The following SEMA6A variants were observed in gnomAD, a reference collection of about 807,000 sequenced individuals.
SEMA6A encodes semaphorin 6A, also known as semaphorin-6A.
SEMA6A carries 25 observed loss-of-function variants against 96.8 expected under a neutral mutation model. The observed-to-expected ratio is 0.26, with a 90% CI of 0.19 to 0.36. SEMA6A has a LOEUF of 0.36. Among genes scored for constraint, SEMA6A ranks in the 10% least tolerant of loss-of-function variants. The pLI, the probability that SEMA6A is intolerant of heterozygous loss-of-function variation, is 1.00. For missense variants in SEMA6A, 1,363 were observed against 1,323.1 expected (o/e 1.03, Z -0.47); for synonymous variants, 612 against 518.0 (o/e 1.18, Z -2.46).
At chr5:116,485,486 C>A (rs1024805867) in intron 10 of SEMA6A, among the ~76,000 whole-genome samples, 1 of 152,172 alleles carries the variant, frequency 6.6e-6, no homozygotes, top group Non-Finnish European at 1.5e-5. Context: ...TTAAAGCTTA[C>A]TTATATCTAA....
intron 16 of SEMA6A, among the ~76,000 whole-genome samples, chr5:116,474,392 C>T (rs1327865731): frequency 6.6e-6 from 1 of 151,822 alleles, no homozygotes; most frequent in East Asian, 1.9e-4. Context: ...AAACTATTTC[C>T]CTGATACGGA....
chr5:116,506,703 CAG>C (rs1758161299), intron 1 of SEMA6A, among the ~76,000 whole-genome samples: 1 of 151,424 alleles, frequency 6.6e-6, no homozygotes, highest in Middle Eastern at 3.2e-3. Flanking sequence ...GGGGAGGGGT[CAG>C]GGAGAACTGG....
chr5:116,448,170 TAAAAAAAAAA>T (rs59202921), intron 18 of SEMA6A, among the ~76,000 whole-genome samples: 3 of 119,546 alleles, frequency 2.5e-5, no homozygotes, highest in African/African-American at 3.6e-5. Flanking sequence ...CCGTCTCTAC[TAAAAAAAAAA>T]AAAAAAAAAA....
intron 11 of SEMA6A, among the ~76,000 whole-genome samples, chr5:116,480,635 A>T (rs1422551051): frequency 6.6e-6 from 1 of 152,140 alleles, no homozygotes; most frequent in Non-Finnish European, 1.5e-5. Context: ...AGGCTGCTAG[A>T]GATTCCTCAT....
rs1754345326 is a variant in SEMA6A at position 116,447,810 on chromosome 5, T to G, written c.1896A>C (p.Gly632=). The change falls in exon 19 of 19, where the codon GGA becomes GGC. Residue 632 remains glycine, a splice_region_variant and synonymous_variant. Coordinates refer to ENST00000343348, the MANE Select transcript of SEMA6A (RefSeq NM_020796.5). Reference sequence around the variant, plus strand: ...CTTTGAGGTAACTTTCCCGAATCACTCCTGCAATAGACATCGCATATGGCG... The same window carrying G: ...CTTTGAGGTAACTTTCCCGAATCACGCCTGCAATAGACATCGCATATGGCG... ...VSSHNHQDKK[G]VIRESYLKGH... The G allele has an allele frequency of 1.9e-6, 3 of 1,591,588 alleles. No individual in the cohort carries two copies. Among genetic ancestry groups the G allele is most frequent in the Non-Finnish European group, 2.6e-6 (3 of 1,165,638 alleles).
intron 16 of SEMA6A, among the ~76,000 whole-genome samples, chr5:116,474,580 A>C (rs970963586): frequency 2.0e-5 from 3 of 152,198 alleles, no homozygotes; most frequent in African/African-American, 7.2e-5. Flanking sequence ...AGCCCTCTTT[A>C]TTTGATTATA....
chr5:116,568,975 A>G (rs1761111166), intron 1 of SEMA6A, among the ~76,000 whole-genome samples: 2 of 152,262 alleles, frequency 1.3e-5, no homozygotes, highest in African/African-American at 4.8e-5. Context: ...AAAATGATTC[A>G]CTGTTTATTC....
chr5:116,516,333 T>C (rs1454671781), intron 1 of SEMA6A, among the ~76,000 whole-genome samples: 2 of 152,238 alleles, frequency 1.3e-5, no homozygotes, highest in Non-Finnish European at 1.5e-5. Context: ...AGACATGATA[T>C]GGAAGAATTA....
intron 1 of SEMA6A, among the ~76,000 whole-genome samples, chr5:116,514,294 GTCGTTTTTT>G (rs1758563802): frequency 6.6e-6 from 1 of 152,086 alleles, no homozygotes; most frequent in African/African-American, 2.4e-5. Flanking sequence ...GCTAGTATCT[GTCGTTTTTT>G]TACTTTTTAA....
At chr5:116,556,906 T>A (rs1032689194) in intron 1 of SEMA6A, among the ~76,000 whole-genome samples, 1 of 152,214 alleles carries the variant, frequency 6.6e-6, no homozygotes, top group Admixed American at 6.5e-5. Flanking sequence ...GCCATCATTA[T>A]ACATGCAAAA....
chr5:116,489,768 AAG>A (rs1209284481), intron 7 of SEMA6A, among the ~76,000 whole-genome samples: 1 of 152,210 alleles, frequency 6.6e-6, no homozygotes, highest in Non-Finnish European at 1.5e-5. Flanking sequence ...TCCCAGGCAT[AAG>A]AGAATAAAGC....
intron 1 of SEMA6A, among the ~76,000 whole-genome samples, chr5:116,527,664 T>C (rs1164036040): frequency 6.6e-6 from 1 of 152,216 alleles, no homozygotes; most frequent in Non-Finnish European, 1.5e-5. Context: ...ATATTCTTTG[T>C]GGTTCAACAA....
At chr5:116,482,052 G>A (rs1286890724) in intron 11 of SEMA6A, among the ~76,000 whole-genome samples, 2 of 152,056 alleles carry the variant, frequency 1.3e-5, no homozygotes, top group Non-Finnish European at 2.9e-5. Flanking sequence ...TTTTATTTGG[G>A]TTTAAAGACA....
intron 1 of SEMA6A, chr5:116,508,395 A>G (rs1021931882): frequency 6.6e-6 from 1 of 152,216 alleles, no homozygotes; most frequent in African/African-American, 2.4e-5. Flanking sequence ...AAGTCAGAGA[A>G]TGAGTCCATC....
intron 3 of SEMA6A, among the ~76,000 whole-genome samples, chr5:116,497,964 T>G (rs1415758424): frequency 6.6e-6 from 1 of 152,250 alleles, no homozygotes; most frequent in Non-Finnish European, 1.5e-5. Context: ...AAGTCTAAAA[T>G]GTACTTAAGC....
chr5:116,480,359 G>C, intron 11 of SEMA6A, 82 bp from the exon 12 acceptor site: 2 of 1,532,028 alleles, frequency 1.3e-6, no homozygotes, highest in Non-Finnish European at 1.8e-6. Flanking sequence ...GCTTCTCTAA[G>C]CATCTGGAAT....
chr5:116,459,841 T>C (rs1376809396), intron 18 of SEMA6A, among the ~76,000 whole-genome samples: 1 of 152,210 alleles, frequency 6.6e-6, no homozygotes, highest in Non-Finnish European at 1.5e-5. Context: ...ATATCAGGTT[T>C]ATGTGAAATT....
intron 6 of SEMA6A, among the ~76,000 whole-genome samples, chr5:116,494,737 C>G (rs972164440): frequency 6.6e-6 from 1 of 152,210 alleles, no homozygotes; most frequent in Non-Finnish European, 1.5e-5. Flanking sequence ...TTTCCTGAGA[C>G]AAAGGCTGGC....
intron 1 of SEMA6A, among the ~76,000 whole-genome samples, chr5:116,508,448 C>T (rs1193868691): frequency 1.3e-5 from 2 of 152,046 alleles, no homozygotes; most frequent in African/African-American, 2.4e-5. Flanking sequence ...TAACAAGCCA[C>T]GAGGACTGGG....
Sources: allele counts gnomAD v4.1 joint callset (sites outside exome capture counted in the v4.1 genomes callset), GRCh38; gene constraint gnomAD v4.1.1; transcripts MANE v1.5; gene names NCBI Gene and HGNC (gene_info 2026-07-23, HGNC 2026-07-21).